The following ATP7A variants were observed in gnomAD, a reference collection of about 807,000 sequenced individuals.
ATP7A encodes ATPase copper transporting alpha, also known as copper-transporting ATPase 1.
ATP7A carries 7 observed loss-of-function variants against 83.5 expected under a neutral mutation model. That is an observed-to-expected ratio of 0.08 (90% CI 0.05 to 0.16). The LOEUF (loss-of-function observed/expected upper bound fraction) is 0.16. Among genes scored for constraint, ATP7A ranks in the 10% least tolerant of loss-of-function variants. The pLI, the probability that ATP7A is intolerant of heterozygous loss-of-function variation, is 1.00. For synonymous variants in ATP7A, 354 were observed against 395.2 expected, an observed-to-expected ratio of 0.90 and a Z score of 1.24; for missense variants, 940 against 1,120.8, an observed-to-expected ratio of 0.84 and a Z score of 2.30.
intron 1 of ATP7A, among the ~76,000 whole-genome samples, chrX:77,967,991 T>C (rs1334679959): frequency 9.0e-6 from 1 of 111,301 alleles, no homozygotes; most frequent in Non-Finnish European, 1.9e-5. Flanking sequence ...TATACTGATC[T>C]GGTAAAAGGA....
intron 15 of ATP7A, 132 bp downstream of exon 15, chrX:78,029,576 AT>A: frequency 1.4e-6 from 1 of 697,913 alleles, no homozygotes; most frequent in South Asian, 2.5e-5. Flanking sequence ...CTATCCAGAG[AT>A]TTGAGGTAGG....
chrX:77,949,478 A>G (rs1281971477), intron 1 of ATP7A, among the ~76,000 whole-genome samples: 3 of 112,124 alleles, frequency 2.7e-5, no homozygotes, highest in Non-Finnish European at 5.6e-5. Context: ...CTTTGTTTTC[A>G]TAGAAAGAAC....
chrX:78,045,764 C>T (rs1297236387), intron 22 of ATP7A, among the ~76,000 whole-genome samples, 192 bp downstream of exon 22: 1 of 111,921 alleles, frequency 8.9e-6, no homozygotes, highest in Admixed American at 9.4e-5. Context: ...GGGCAGATCA[C>T]CTGAGGTCAG....
rs782274601 is a variant in ATP7A at position 77,962,482 on chromosome X, C to T, written c.-21-9139C>T. Reference sequence around the variant, plus strand: ...CCATTCCTTCCTTGCTTTGTTTGTGCGTTTTGTCCAATTCTTTGTTTAAGA... The same window carrying T: ...CCATTCCTTCCTTGCTTTGTTTGTGTGTTTTGTCCAATTCTTTGTTTAAGA... On this transcript the variant is annotated intron_variant, in intron 1 of 22. Coordinates refer to ENST00000341514, the MANE Select transcript of ATP7A (RefSeq NM_000052.7). The T allele has an allele frequency of 3.4e-4, 78 of 227,732 alleles. 2 individuals are homozygous for T. Among genetic ancestry groups the T allele is most frequent in the Middle Eastern group, 1.6e-3 (1 of 644 alleles). 18.8% of individuals were successfully genotyped at this position (227,732 alleles called of 1,213,427 possible). A position where few individuals can be genotyped will look rare whatever the true frequency, so the allele number is the denominator to read the frequency against.
intron 1 of ATP7A, among the ~76,000 whole-genome samples, chrX:77,965,812 A>G (rs1334907774): frequency 8.9e-6 from 1 of 112,428 alleles, no homozygotes; most frequent in Non-Finnish European, 1.9e-5. Context: ...TCAGCCATAA[A>G]AGGGAATGAT....
At position 78,012,947 on chromosome X, in the gene ATP7A, C is replaced by T. The variant is rs781928652; in HGVS notation, c.2241C>T (p.Asp747=). The T allele has an allele frequency of 8.4e-5, 102 of 1,209,754 alleles. No homozygotes were observed. The highest frequency in any genetic ancestry group is 2.3e-4 in the Middle Eastern group (1 of 4,372). ...KALKHKTANM[D]VLIVLATTIA... Reference sequence around the variant, plus strand: ...TGAAGCATAAGACAGCAAATATGGACGTACTGATTGTGCTGGCAACCACCA... The same window carrying T: ...TGAAGCATAAGACAGCAAATATGGATGTACTGATTGTGCTGGCAACCACCA... The change falls in exon 10 of 23, where the codon GAC becomes GAT. Residue 747 remains aspartate (D), a synonymous_variant. Transcript: ENST00000341514.
intron 15 of ATP7A, among the ~76,000 whole-genome samples, chrX:78,030,984 C>T (rs1240665684): frequency 9.0e-6 from 1 of 111,242 alleles, no homozygotes; most frequent in Non-Finnish European, 1.9e-5. Context: ...AGCCACCGCA[C>T]CTGGCCATTT....
chrX:77,924,955 G>C (rs2077233758), intron 1 of ATP7A, among the ~76,000 whole-genome samples: 1 of 111,833 alleles, frequency 8.9e-6, no homozygotes, highest in Non-Finnish European at 1.9e-5. Flanking sequence ...GCCTCCCAAA[G>C]TGCTGGAATT....
intron 1 of ATP7A, among the ~76,000 whole-genome samples, chrX:77,931,206 GTGATGATTGTTAACGAGCATGC>G (rs1176090436): frequency 9.3e-6 from 1 of 107,460 alleles, no homozygotes; most frequent in East Asian, 2.9e-4. Context: ...TTAGGGAGTG[GTGATGATTGTTAACGAGCATGC>G]TGCCTTCAAG....
chrX:78,024,519 A>G (rs1034917206), intron 14 of ATP7A, among the ~76,000 whole-genome samples: 1 of 111,432 alleles, frequency 9.0e-6, no homozygotes, highest in African/African-American at 3.3e-5. Flanking sequence ...GACAAAGCAT[A>G]TTTCATGCTT....
intron 1 of ATP7A, among the ~76,000 whole-genome samples, chrX:77,913,188 G>A (rs971472688): frequency 1.8e-5 from 2 of 112,218 alleles, no homozygotes; most frequent in Non-Finnish European, 3.8e-5. Context: ...TGGACATCCT[G>A]ATGAGTGAAA....
rs782198172 is a variant in ATP7A at position 78,010,235 on chromosome X, C to G, written c.1870-941C>G. On this transcript the variant is annotated intron_variant, in intron 7 of 22. Transcript: ENST00000341514. ...ATATTCATTTTGGAGGTGAGGAAAC[C>G]CAGGTTAAGAGAAGTTAAGTTACTT... is the stretch of plus-strand genomic sequence containing the variant. Among the ~76,000 whole-genome samples, 95 of 111,871 alleles carry G rather than the reference C, an allele frequency of 8.5e-4. 1 individual carries two copies. Among genetic ancestry groups the G allele is most frequent in the Non-Finnish European group, 4.0e-4 (21 of 53,134 alleles).
intron 14 of ATP7A, among the ~76,000 whole-genome samples, chrX:78,027,997 T>G (rs1271310780): frequency 5.3e-5 from 4 of 75,230 alleles, no homozygotes; most frequent in Non-Finnish European, 7.6e-5. Flanking sequence ...TTTTTGGTAT[T>G]TATTTATTTA....
At chrX:77,912,798 T>C (rs1557222060) in intron 1 of ATP7A, among the ~76,000 whole-genome samples, 1 of 112,139 alleles carries the variant, frequency 8.9e-6, no homozygotes, top group Non-Finnish European at 1.9e-5. Context: ...TTTCCTTTTT[T>C]CCTCTAAATT....
chrX:77,920,836 G>A (rs1277331025), intron 1 of ATP7A, among the ~76,000 whole-genome samples: 2 of 111,007 alleles, frequency 1.8e-5, no homozygotes, highest in Non-Finnish European at 3.8e-5. Context: ...CTCAGTAATG[G>A]GATTACTGGG....
intron 1 of ATP7A, among the ~76,000 whole-genome samples, chrX:77,931,499 A>G (rs1451301834): frequency 2.7e-5 from 3 of 112,456 alleles, no homozygotes; most frequent in African/African-American, 9.7e-5. Context: ...CGCCATTGTC[A>G]TCCCGGCCCG....
chrX:78,008,332 G>C (rs782734195), intron 6 of ATP7A, among the ~76,000 whole-genome samples: 1 of 111,763 alleles, frequency 8.9e-6, no homozygotes, highest in Non-Finnish European at 1.9e-5. Flanking sequence ...TTTGAGGAAA[G>C]GATTTGCTGA....
intron 19 of ATP7A, among the ~76,000 whole-genome samples, chrX:78,041,339 G>T (rs1378627904): frequency 9.2e-6 from 1 of 109,189 alleles, no homozygotes; most frequent in Non-Finnish European, 1.9e-5. Flanking sequence ...GCAGTGGCGC[G>T]ATCTCGGCTC....
Position 78,048,232 on chromosome X carries a change from T to C in ATP7A, c.*1662T>C, listed in dbSNP as rs2078093754. On this transcript the variant is annotated 3_prime_UTR_variant, in exon 23 of 23. Transcript: ENST00000341514. ...CAGAGATCTGGTACTTGTAAGACTA[T>C]TTAAATTTCTTTGTTAGTTGCAAGA... The C allele has an allele frequency of 8.9e-6, 1 of 112,032 alleles. No homozygotes were observed. Among genetic ancestry groups the C allele is most frequent in the South Asian group, 3.7e-4 (1 of 2,730 alleles). 9.2% of individuals were successfully genotyped at this position (112,032 alleles called of 1,213,427 possible). A position where few individuals can be genotyped will look rare whatever the true frequency, so the allele number is the denominator to read the frequency against.
Sources: allele counts gnomAD v4.1 joint callset (sites outside exome capture counted in the v4.1 genomes callset), GRCh38; gene constraint gnomAD v4.1.1; transcripts MANE v1.5; gene names NCBI Gene and HGNC (gene_info 2026-07-23, HGNC 2026-07-21).